The following RALGAPA1 variants were observed in gnomAD, a reference collection of about 807,000 sequenced individuals.
RALGAPA1 encodes Ral GTPase activating protein catalytic subunit alpha 1.
A neutral mutation model predicts 269.6 loss-of-function variants in RALGAPA1; 52 were observed. The observed-to-expected ratio is 0.19, with a 90% CI of 0.15 to 0.24. RALGAPA1 has a LOEUF of 0.24. Ranked by LOEUF, RALGAPA1 falls within the 10% of genes least tolerant of loss-of-function variation. The probability of loss-of-function intolerance (pLI) is 1.00; values close to 1 mark genes in which losing one functional copy is unlikely to be tolerated. For missense variants in RALGAPA1, 1,917 were observed against 3,013.9 expected (o/e 0.64, Z 8.52); for synonymous variants, 817 against 1,008.3 (o/e 0.81, Z 3.60).
chr14:35,565,992 C>T (rs534764612), intron 39 of RALGAPA1, among the ~76,000 whole-genome samples: 5 of 152,114 alleles, frequency 3.3e-5, no homozygotes, highest in African/African-American at 7.2e-5. Flanking sequence ...AACTAATAAA[C>T]GATGGCTAGG....
chr14:35,596,559 A>G (rs968752154), intron 36 of RALGAPA1, among the ~76,000 whole-genome samples: 3 of 152,132 alleles, frequency 2.0e-5, no homozygotes, highest in African/African-American at 7.2e-5. Context: ...GAGAATTACA[A>G]AAAAAATCCC....
intron 31 of RALGAPA1, among the ~76,000 whole-genome samples, chr14:35,643,170 C>T (rs147872495): frequency 6.7e-6 from 1 of 148,906 alleles, no homozygotes; most frequent in East Asian, 2.0e-4. Flanking sequence ...CATCACACAC[C>T]AGGGCCTTTC....
At position 35,664,724 on chromosome 14, in the gene RALGAPA1, C is replaced by T. The variant is rs751159974; in HGVS notation, c.5246G>A (p.Cys1749Tyr). Residue 1749 changes from cysteine to tyrosine, a missense_variant, in exon 27 of 42, where the codon TGC becomes TAC. Cys to Tyr is a radical substitution (Grantham distance 194). Transcript: ENST00000680220. ...EAQVLLGSLV[C>Y]FPNLYCELPS... The stretch of plus-strand genomic sequence containing the variant: ...CAGTTCACAATATAAGTTGGGAAAG[C>T]AAACCAAAGATCCCAGAAGAACTTG... The T allele has an allele frequency of 1.2e-6, 2 of 1,612,784 alleles. No individual in the cohort carries two copies. Among genetic ancestry groups the T allele is most frequent in the Admixed American group, 3.3e-5 (2 of 59,756 alleles).
chr14:35,742,186 C>T (rs1204955036), intron 11 of RALGAPA1, among the ~76,000 whole-genome samples, 182 bp downstream of exon 11: 1 of 152,170 alleles, frequency 6.6e-6, no homozygotes, highest in East Asian at 1.9e-4. Flanking sequence ...TGTGGTATCA[C>T]AGGGCTTTGC....
chr14:35,776,536 G>A (rs931689582), intron 1 of RALGAPA1, among the ~76,000 whole-genome samples: 5 of 152,156 alleles, frequency 3.3e-5, no homozygotes, highest in Admixed American at 3.3e-4. Flanking sequence ...TAAGAGCAGG[G>A]CATGCAAAAT....
intron 10 of RALGAPA1, among the ~76,000 whole-genome samples, chr14:35,745,231 C>T (rs1049389262): frequency 1.3e-5 from 2 of 152,184 alleles, no homozygotes; most frequent in Non-Finnish European, 1.5e-5. Flanking sequence ...GCAGTTAATT[C>T]GTCTATGAAG....
chr14:35,748,423 A>C, intron 10 of RALGAPA1, 162 bp downstream of exon 10: 1 of 707,032 alleles, frequency 1.4e-6, no homozygotes, highest in South Asian at 4.7e-5. Flanking sequence ...CATGTTGTCC[A>C]AAGTGGCCTC....
intron 16 of RALGAPA1, among the ~76,000 whole-genome samples, chr14:35,720,534 C>T (rs578158451): frequency 6.6e-6 from 1 of 152,254 alleles, no homozygotes; most frequent in Admixed American, 6.5e-5. Context: ...ATTCTCTTTT[C>T]ATAGAAGCAT....
intron 16 of RALGAPA1, among the ~76,000 whole-genome samples, chr14:35,719,745 C>A (rs1330088962): frequency 6.6e-6 from 1 of 151,980 alleles, no homozygotes; most frequent in East Asian, 1.9e-4. Flanking sequence ...AGAACAATTT[C>A]TTCTTTTTTT....
At chr14:35,721,203 C>T (rs1401687997) in intron 16 of RALGAPA1, among the ~76,000 whole-genome samples, 3 of 152,136 alleles carry the variant, frequency 2.0e-5, no homozygotes, top group Non-Finnish European at 4.4e-5. Flanking sequence ...TTGTTAAAAG[C>T]AGCAAGAAAC....
At chr14:35,686,817 T>G (rs1471028475) in intron 18 of RALGAPA1, 151 bp from the exon 19 acceptor site, 11 of 481,832 alleles carry the variant, frequency 2.3e-5, no homozygotes, top group Non-Finnish European at 3.3e-5. Flanking sequence ...AGATTTAATT[T>G]TAAGAATTAG....
intron 16 of RALGAPA1, among the ~76,000 whole-genome samples, chr14:35,719,965 G>C (rs1011080694): frequency 1.3e-5 from 2 of 152,120 alleles, no homozygotes; most frequent in African/African-American, 4.8e-5. Context: ...TGTTGGTCAG[G>C]CTGGTCTCGA....
intron 35 of RALGAPA1, among the ~76,000 whole-genome samples, chr14:35,620,479 C>T (rs1368795537): frequency 2.0e-5 from 3 of 152,052 alleles, no homozygotes; most frequent in Non-Finnish European, 4.4e-5. Flanking sequence ...TCTCACCACT[C>T]CTATTCAACA....
Position 35,603,304 on chromosome 14 carries a change from T to C in RALGAPA1, c.7053+2282A>G, listed in dbSNP as rs185986885. Among the ~76,000 whole-genome samples, 20 of 152,252 alleles carry C rather than the reference T, an allele frequency of 1.3e-4. No homozygotes were observed. The East Asian group carries it at 3.7e-3, about 28-fold the overall frequency. On this transcript the variant is annotated intron_variant, in intron 36 of 41. Coordinates refer to ENST00000680220, the MANE Select transcript of RALGAPA1 (RefSeq NM_001346249.2). ...GTATTTTACTTTTTTTAACAGAAAA[T>C]CTACTTAGGATGTTTTTTATACTTT...
intron 16 of RALGAPA1, among the ~76,000 whole-genome samples, chr14:35,718,508 C>T (rs552031045): frequency 3.2e-4 from 49 of 152,196 alleles, no homozygotes; most frequent in Non-Finnish European, 6.3e-4. Flanking sequence ...AAATTTTTAA[C>T]CATGTACGTT....
At chr14:35,676,802 A>G (rs1341233693) in intron 22 of RALGAPA1, 1 of 152,200 alleles carries the variant, frequency 6.6e-6, no homozygotes, top group East Asian at 1.9e-4. Flanking sequence ...TTGTGCATAT[A>G]TGTGCTGTGT....
chr14:35,757,116 ATTATTT>A (rs1225773629), intron 6 of RALGAPA1, among the ~76,000 whole-genome samples: 14 of 135,780 alleles, frequency 1.0e-4, no homozygotes, highest in South Asian at 2.3e-4. Context: ...TATTATTATT[ATTATTT>A]TTTTTTTTTT....
intron 31 of RALGAPA1, among the ~76,000 whole-genome samples, chr14:35,645,346 GGTGTGTGTGT>G (rs58039867): frequency 0.017 from 2,205 of 129,550 alleles, 37 homozygotes; most frequent in African/African-American, 0.028. Context: ...TATAGAGATG[GGTGTGTGTGT>G]GTGTGTGTGT....
chr14:35,738,676 T>C (rs773498822), intron 11 of RALGAPA1, 26 bp from the exon 12 acceptor site: 5 of 1,587,658 alleles, frequency 3.1e-6, no homozygotes, highest in South Asian at 1.1e-5. Context: ...AAGTTTTTAA[T>C]ATTTCATTAC....
Sources: gnomAD v4.1 joint callset for allele counts (sites outside exome capture counted in the v4.1 genomes callset) on GRCh38, gnomAD v4.1.1 for gene constraint, MANE v1.5 for transcripts, NCBI Gene and HGNC (gene_info 2026-07-23, HGNC 2026-07-21) for gene names.